Variants in CPS1 observed in about 807,000 individuals in gnomAD.
CPS1 encodes the protein carbamoyl-phosphate synthase 1.
Under a neutral mutation model 174.6 loss-of-function variants are expected in CPS1, and 109 were observed. That is an observed-to-expected ratio of 0.62 (90% CI 0.53 to 0.73). CPS1 has a LOEUF of 0.73. Ranked by LOEUF, CPS1 falls within the 30% of genes least tolerant of loss-of-function variation. The pLI, the probability that CPS1 is intolerant of heterozygous loss-of-function variation, is 0.00. For synonymous variants in CPS1, 637 were observed against 632.0 expected, an observed-to-expected ratio of 1.01 and a Z score of -0.12; for missense variants, 1,689 against 1,821.9, an observed-to-expected ratio of 0.93 and a Z score of 1.33.
intron 1 of CPS1, among the ~76,000 whole-genome samples, chr2:210,569,328 A>G (rs1385146514): frequency 6.6e-6 from 1 of 152,112 alleles, no homozygotes; most frequent in Non-Finnish European, 1.5e-5. Flanking sequence ...CCTCTCCGAG[A>G]AAATGACATC....
chr2:210,668,163 A>G, intron 33 of CPS1, 23 bp from the exon 34 acceptor site: 1 of 1,579,758 alleles, frequency 6.3e-7, no homozygotes, highest in Non-Finnish European at 8.7e-7. Context: ...CTCTATTTTA[A>G]TTTTTTATTT....
At chr2:210,669,188 A>G (rs1455223762) in intron 34 of CPS1, among the ~76,000 whole-genome samples, 1 of 152,180 alleles carries the variant, frequency 6.6e-6, no homozygotes, top group East Asian at 1.9e-4. Context: ...TTAGGGCAAA[A>G]TGATAGGAAA....
intron 25 of CPS1, 69 bp from the exon 26 acceptor site, chr2:210,647,794 A>AAT: frequency 6.6e-7 from 1 of 1,518,458 alleles, no homozygotes; most frequent in Non-Finnish European, 9.1e-7. Flanking sequence ...AAATAGACAC[A>AAT]ATATTAGCAT....
intron 1 of CPS1, among the ~76,000 whole-genome samples, chr2:210,499,594 G>A (rs1052691239): frequency 4.6e-5 from 7 of 152,156 alleles, no homozygotes; most frequent in Admixed American, 6.5e-5. Context: ...GGTTAAAAAC[G>A]GCATCCTGCT....
intron 1 of CPS1, among the ~76,000 whole-genome samples, chr2:210,559,624 G>C (rs1439718121): frequency 6.6e-6 from 1 of 152,010 alleles, no homozygotes; most frequent in Non-Finnish European, 1.5e-5. Context: ...TTTTCCATTA[G>C]TACTGAAAAT....
intron 21 of CPS1, among the ~76,000 whole-genome samples, chr2:210,633,453 T>G (rs754288935): frequency 2.0e-5 from 3 of 152,198 alleles, no homozygotes; most frequent in Non-Finnish European, 4.4e-5. Context: ...GAAGACTTTG[T>G]ATATTTGCTA....
chr2:210,529,970 C>T (rs956764057), intron 1 of CPS1, among the ~76,000 whole-genome samples: 1 of 152,008 alleles, frequency 6.6e-6, no homozygotes, highest in African/African-American at 2.4e-5. Flanking sequence ...ATGCATTTCA[C>T]GTTTCCTGTA....
intron 1 of CPS1, among the ~76,000 whole-genome samples, chr2:210,510,688 GA>G (rs1220073913): frequency 1.3e-5 from 2 of 151,878 alleles, no homozygotes; most frequent in East Asian, 1.9e-4. Context: ...AAATTTACAA[GA>G]AAAAAACAAC....
At chr2:210,626,596 A>G (rs903322677) in intron 21 of CPS1, among the ~76,000 whole-genome samples, 3 of 152,154 alleles carry the variant, frequency 2.0e-5, no homozygotes, top group African/African-American at 4.8e-5. Context: ...ATTGTTTTAT[A>G]TTGTCAAAGA....
intron 1 of CPS1, among the ~76,000 whole-genome samples, chr2:210,534,332 G>A (rs907238394): frequency 1.3e-5 from 2 of 152,180 alleles, no homozygotes; most frequent in African/African-American, 4.8e-5. Context: ...CTTTGAAAGA[G>A]GAGGAACCAC....
rs548279912 is a variant in CPS1 at position 210,655,971 on chromosome 2, A to C, written c.3559-554A>C. On this transcript the variant is annotated intron_variant, in intron 29 of 37. Transcript: ENST00000233072. ...AACTCAGTCACATACCAGTCACCTG[A>C]ACCTGGGTTATTTATTATTACATTA... is the stretch of plus-strand genomic sequence containing the variant. 1.7e-3 allele frequency among the ~76,000 whole-genome samples: 262 copies of C among 152,312 alleles called. 1 individual carries two copies. The highest frequency in any genetic ancestry group is 5.8e-3 in the African/African-American group (240 of 41,568).
At chr2:210,551,592 A>C (rs1284127689) in intron 1 of CPS1, among the ~76,000 whole-genome samples, 4 of 151,946 alleles carry the variant, frequency 2.6e-5, no homozygotes, top group Admixed American at 6.6e-5. Context: ...TTATTCTAGA[A>C]TAAATCACAT....
chr2:210,586,372 T>C (rs899946092), intron 6 of CPS1, among the ~76,000 whole-genome samples: 2 of 152,158 alleles, frequency 1.3e-5, no homozygotes, highest in Admixed American at 1.3e-4. Context: ...TCATATGACT[T>C]CCCCTTGTTT....
intron 1 of CPS1, among the ~76,000 whole-genome samples, chr2:210,550,243 A>C (rs1696692068): frequency 6.6e-6 from 1 of 151,958 alleles, no homozygotes; most frequent in South Asian, 2.1e-4. Context: ...ACGAAATGCA[A>C]ATATTTCTGA....
intron 21 of CPS1, among the ~76,000 whole-genome samples, chr2:210,634,862 G>T (rs895798479): frequency 2.0e-5 from 3 of 152,186 alleles, no homozygotes; most frequent in Non-Finnish European, 4.4e-5. Context: ...TACGTGCCAT[G>T]TCCACTGCTG....
intron 10 of CPS1, 60 bp from the exon 11 acceptor site, chr2:210,592,819 T>C: frequency 6.8e-7 from 1 of 1,478,608 alleles, no homozygotes; most frequent in East Asian, 2.3e-5. Context: ...GAATAATACA[T>C]AGCCACACTT....
intron 1 of CPS1, among the ~76,000 whole-genome samples, chr2:210,531,662 G>A (rs1696118017): frequency 6.6e-6 from 1 of 152,030 alleles, no homozygotes; most frequent in Admixed American, 6.6e-5. Context: ...ATGCTCTTTG[G>A]ACAGATGATG....
Position 210,660,513 on chromosome 2 carries a change from G to T in CPS1, c.3785G>T (p.Arg1262Leu). The T allele has an allele frequency of 6.2e-7, 1 of 1,614,024 alleles. No homozygotes were observed. The highest frequency in any genetic ancestry group is 8.5e-7 in the Non-Finnish European group (1 of 1,179,974). ...ATTGAGTGTAACTTGAGAGCTTCTC[G>T]ATCCTTCCCCTTTGTTTCCAAGACT... The part of the protein sequence containing the change: ...LVIECNLRAS[R>L]SFPFVSKTLG... Residue 1262 changes from arginine (R) to leucine (L), a missense_variant, in exon 32 of 38, where the codon CGA (arginine) becomes CTA (leucine). Transcript: ENST00000233072.
At chr2:210,670,647 A>T (rs888091335) in intron 34 of CPS1, among the ~76,000 whole-genome samples, 1 of 152,156 alleles carries the variant, frequency 6.6e-6, no homozygotes, top group African/African-American at 2.4e-5. Context: ...GCTAATATAT[A>T]AATGGGGGTT....
Sources: allele counts gnomAD v4.1 joint callset (sites outside exome capture counted in the v4.1 genomes callset), GRCh38; gene constraint gnomAD v4.1.1; transcripts MANE v1.5; gene names NCBI Gene and HGNC (gene_info 2026-07-23, HGNC 2026-07-21).